The following ALCAM variants were observed in gnomAD, a reference collection of about 807,000 sequenced individuals.
The protein encoded by ALCAM is CD166 antigen.
ALCAM carries 30 observed loss-of-function variants against 70.9 expected under a neutral mutation model. The ratio of observed to expected loss-of-function variants is 0.42; its 90% CI spans 0.32 to 0.57. The LOEUF (loss-of-function observed/expected upper bound fraction) is 0.57. Ranked by LOEUF, ALCAM falls within the 20% of genes least tolerant of loss-of-function variation. ALCAM has a pLI of 0.11. For missense variants in ALCAM, 591 were observed against 695.1 expected (o/e 0.85, Z 1.68); for synonymous variants, 249 against 242.5 (o/e 1.03, Z -0.25).
At chr3:105,529,969 T>A (rs567899916) in intron 3 of ALCAM, among the ~76,000 whole-genome samples, 1 of 152,262 alleles carries the variant, frequency 6.6e-6, no homozygotes, top group South Asian at 2.1e-4. Flanking sequence ...ATTTAGAACC[T>A]AAATTTATGG....
chr3:105,471,032 G>A (rs1203420881), intron 1 of ALCAM, among the ~76,000 whole-genome samples: 1 of 151,142 alleles, frequency 6.6e-6, no homozygotes, highest in Non-Finnish European at 1.5e-5. Context: ...CTAATTTCCT[G>A]TCCTTACACT....
chr3:105,511,527 A>C (rs1939235883), intron 1 of ALCAM, among the ~76,000 whole-genome samples: 1 of 152,028 alleles, frequency 6.6e-6, no homozygotes, highest in South Asian at 2.1e-4. Context: ...TATTCTTCCT[A>C]TGACCTTAAC....
At chr3:105,569,576 G>T (rs1004966319) in intron 14 of ALCAM, among the ~76,000 whole-genome samples, 1 of 152,074 alleles carries the variant, frequency 6.6e-6, no homozygotes, top group Non-Finnish European at 1.5e-5. Flanking sequence ...CTTCATATTG[G>T]TGAACACTAA....
intron 7 of ALCAM, 26 bp from the exon 8 acceptor site, chr3:105,541,607 A>G (rs745374300): frequency 6.2e-7 from 1 of 1,609,378 alleles, no homozygotes; most frequent in Admixed American, 1.7e-5. Flanking sequence ...AAGTATAATC[A>G]TCTGACATTT....
intron 1 of ALCAM, among the ~76,000 whole-genome samples, chr3:105,466,550 A>G (rs765870219): frequency 6.6e-6 from 1 of 151,336 alleles, no homozygotes; most frequent in Non-Finnish European, 1.5e-5. Context: ...TTCATTAGTT[A>G]TCAAAATCAT....
At chr3:105,458,792 C>G (rs1397663918) in intron 1 of ALCAM, among the ~76,000 whole-genome samples, 1 of 152,098 alleles carries the variant, frequency 6.6e-6, no homozygotes, top group African/African-American at 2.4e-5. Context: ...TCTGAAATAG[C>G]TCTGCTCCTG....
intron 1 of ALCAM, among the ~76,000 whole-genome samples, chr3:105,385,524 C>G (rs1183893256): frequency 6.6e-6 from 1 of 151,604 alleles, no homozygotes; most frequent in Non-Finnish European, 1.5e-5. Context: ...ACTGCTTTGC[C>G]ATGACGCTTA....
rs577103554 is a variant in ALCAM at position 105,572,486 on chromosome 3, A to G, written c.*25+522A>G. ...ATTTTCTTAATCCAGTCGATCACTG[A>G]TGGGCCTTTGGGTTGGTTCCAAGTC... On this transcript the variant is annotated intron_variant, in intron 15 of 15. Transcript: ENST00000306107. Among the ~76,000 whole-genome samples the G allele has an allele frequency of 3.9e-5, 6 of 152,280 alleles. 1 individual carries two copies. In the East Asian group the frequency reaches 1.2e-3, roughly 29 times the overall value.
chr3:105,406,993 A>G (rs1370471982), intron 1 of ALCAM, among the ~76,000 whole-genome samples: 2 of 152,146 alleles, frequency 1.3e-5, no homozygotes, highest in Non-Finnish European at 2.9e-5. Context: ...CAACCCTCCT[A>G]TATTAAACCA....
chr3:105,519,917 A>G (rs1939485441), intron 1 of ALCAM, 150 bp from the exon 2 acceptor site: 3 of 490,570 alleles, frequency 6.1e-6, no homozygotes, highest in Non-Finnish European at 1.1e-5. Flanking sequence ...TTCTAGTCTC[A>G]TACCTTTTGT....
At chr3:105,375,472 A>G (rs899051505) in intron 1 of ALCAM, among the ~76,000 whole-genome samples, 3 of 152,172 alleles carry the variant, frequency 2.0e-5, no homozygotes, top group Non-Finnish European at 4.4e-5. Flanking sequence ...TGCCCCTTTC[A>G]TGTCAGGTAT....
At chr3:105,572,241 A>C (rs1385257211) in intron 15 of ALCAM, among the ~76,000 whole-genome samples, 1 of 149,668 alleles carries the variant, frequency 6.7e-6, no homozygotes, top group African/African-American at 2.5e-5. Flanking sequence ...CTAGCCCCCC[A>C]CCCCCTGACA....
chr3:105,475,872 C>G (rs1055197556), intron 1 of ALCAM, among the ~76,000 whole-genome samples: 4 of 151,862 alleles, frequency 2.6e-5, no homozygotes, highest in Non-Finnish European at 5.9e-5. Flanking sequence ...ATTTCCATAA[C>G]TTTACCTTCC....
At chr3:105,443,566 A>C (rs987719203) in intron 1 of ALCAM, among the ~76,000 whole-genome samples, 1 of 152,230 alleles carries the variant, frequency 6.6e-6, no homozygotes, top group African/African-American at 2.4e-5. Context: ...TTCTAAAATA[A>C]TGGACTCTTA....
chr3:105,377,319 T>G (rs1212245431), intron 1 of ALCAM, among the ~76,000 whole-genome samples: 4 of 152,120 alleles, frequency 2.6e-5, no homozygotes, highest in Admixed American at 6.5e-5. Flanking sequence ...CATGTTATTG[T>G]CCATATAAGC....
At chr3:105,393,129 T>C (rs1212351256) in intron 1 of ALCAM, among the ~76,000 whole-genome samples, 1 of 151,870 alleles carries the variant, frequency 6.6e-6, no homozygotes, top group Non-Finnish European at 1.5e-5. Context: ...TTTTCTTATT[T>C]GTTACAATAA....
chr3:105,453,856 G>T (rs2152592848), intron 1 of ALCAM, among the ~76,000 whole-genome samples: 1 of 152,264 alleles, frequency 6.6e-6, no homozygotes, highest in Admixed American at 6.5e-5. Context: ...GTTCATTCAT[G>T]ATTTGGCTCT....
rs144609724 is a variant in ALCAM at position 105,547,893 on chromosome 3, A to G, written c.1374+370A>G. On this transcript the variant is annotated intron_variant, in intron 11 of 15. Coordinates refer to ENST00000306107, the MANE Select transcript of ALCAM (RefSeq NM_001627.4). Reference sequence around the variant, plus strand: ...ACTTTCCTGCAAAATAAGCTCATGCATCTCAGTATAAGTGAACTCTAATAC... The same window carrying G: ...ACTTTCCTGCAAAATAAGCTCATGCGTCTCAGTATAAGTGAACTCTAATAC... Among the ~76,000 whole-genome samples the G allele has an allele frequency of 4.4e-3, 667 of 151,656 alleles. 8 individuals carry two copies. The highest frequency in any genetic ancestry group is 0.024 in the Middle Eastern group (7 of 294).
At chr3:105,379,935 T>C (rs1935474640) in intron 1 of ALCAM, among the ~76,000 whole-genome samples, 2 of 151,906 alleles carry the variant, frequency 1.3e-5, no homozygotes, top group South Asian at 2.1e-4. Flanking sequence ...CTAGACATGA[T>C]TAAAGTAGGT....
Sources: gnomAD v4.1 joint callset for allele counts (sites outside exome capture counted in the v4.1 genomes callset) on GRCh38, gnomAD v4.1.1 for gene constraint, MANE v1.5 for transcripts, NCBI Gene and HGNC (gene_info 2026-07-23, HGNC 2026-07-21) for gene names.